The following PARP16 variants were observed in gnomAD, a reference collection of about 807,000 sequenced individuals.
PARP16 encodes the protein poly(ADP-ribose) polymerase family member 16, also known as protein mono-ADP-ribosyltransferase PARP16.
In PARP16, 31 loss-of-function variants were observed where a neutral mutation model predicts 35.0. That is an observed-to-expected ratio of 0.88 (90% CI 0.66 to 1.19). PARP16 has a LOEUF of 1.19. PARP16 is among the 50% of genes most tolerant of loss of function. The pLI is 0.00. For missense variants in PARP16, 424 were observed against 411.2 expected (o/e 1.03, Z -0.27); for synonymous variants, 162 against 169.5 (o/e 0.96, Z 0.34).
intron 1 of PARP16, among the ~76,000 whole-genome samples, chr15:65,275,213 G>C (rs531016530): frequency 1.5e-4 from 23 of 152,198 alleles, no homozygotes; most frequent in Non-Finnish European, 3.1e-4. Flanking sequence ...AAAGGAAAAG[G>C]GGGTGGGGTT....
At position 65,246,745 on chromosome 15, in the gene PARP16, C is replaced by T. The variant is rs566201246; in HGVS notation, c.*97+1372G>A. Among the ~76,000 whole-genome samples the T allele has an allele frequency of 1.7e-4, 26 of 152,274 alleles. 1 individual carries two copies. In the South Asian group the frequency reaches 5.2e-3, roughly 30 times the overall value. ...TCAGAGAATGGGGTGAAGGGAGTGG[C>T]TCACACAGATCTCAGTTGGCAACTT... On this transcript the variant is annotated intron_variant and NMD_transcript_variant, in intron 3 of 3. Transcript: ENST00000559805.
At chr15:65,253,419 C>G (rs2089413348), downstream of PARP16, among the ~76,000 whole-genome samples, 1 of 151,206 alleles carries the variant, frequency 6.6e-6, no homozygotes, top group Admixed American at 6.6e-5. Context: ...CAAGCTCCGC[C>G]TCCCGGGTTC....
chr15:65,261,823 C>T (rs1488499707), intron 4 of PARP16, among the ~76,000 whole-genome samples: 1 of 152,108 alleles, frequency 6.6e-6, no homozygotes, highest in Non-Finnish European at 1.5e-5. Context: ...TTCCACCCTT[C>T]GTACCAAGAC....
At chr15:65,283,243 T>C (rs1233307297) in intron 1 of PARP16, among the ~76,000 whole-genome samples, 1 of 151,842 alleles carries the variant, frequency 6.6e-6, no homozygotes, top group Non-Finnish European at 1.5e-5. Flanking sequence ...TCAAGACCAG[T>C]CTGGACAACG....
chr15:65,280,411 T>C (rs1595719873), intron 1 of PARP16, among the ~76,000 whole-genome samples: 1 of 128,876 alleles, frequency 7.8e-6, no homozygotes, highest in Middle Eastern at 4.5e-3. Context: ...CACTCCAAAC[T>C]GGGCAACAGA....
At chr15:65,233,918 AT>A (rs973430912), downstream of PARP16, among the ~76,000 whole-genome samples, 6 of 151,778 alleles carry the variant, frequency 4.0e-5, no homozygotes, top group African/African-American at 7.3e-5. Context: ...CAGTAAAAAA[AT>A]TTTTTTTCTT....
intron 1 of PARP16, among the ~76,000 whole-genome samples, chr15:65,274,282 C>T (rs983162813): frequency 2.0e-5 from 3 of 150,598 alleles, no homozygotes; most frequent in African/African-American, 4.9e-5. Context: ...TGTGTGAGCC[C>T]GGGCATGGTG....
intron 1 of PARP16, among the ~76,000 whole-genome samples, chr15:65,284,811 C>CTTTTTTTTT (rs35683940): frequency 2.8e-5 from 2 of 72,216 alleles, no homozygotes; most frequent in Non-Finnish European, 5.1e-5. Flanking sequence ...AATCCAACGT[C>CTTTTTTTTT]TTTTTTTTTT....
At position 65,258,566 on chromosome 15, in the gene PARP16, GAA is replaced by G. The variant is rs2140821070; in HGVS notation, c.*839_*840del. ...AATCCCTTTCTCTAAAACACAGCCA[GAA>G]AAGAGGCTGTGGACACTGGCCAAAC... On this transcript the variant is annotated 3_prime_UTR_variant, in exon 6 of 6. Transcript: ENST00000649807. 1.3e-5 allele frequency: 2 copies of G among 152,638 alleles called. No homozygotes were observed. The highest frequency in any genetic ancestry group is 4.1e-4 in the South Asian group (2 of 4,830). 9.5% of individuals were successfully genotyped at this position (152,638 alleles called of 1,614,324 possible). A position where few individuals can be genotyped will look rare whatever the true frequency, so the allele number is the denominator to read the frequency against.
At position 65,272,872 on chromosome 15, in the gene PARP16, T is replaced by C. The variant is rs1180574534; in HGVS notation, c.175-1800A>G. ...TCACAGAATCTCAGGGCTTGGTCTA[T>C]ATATGTCCATTTCTTTTCTTTCCAT... On this transcript the variant is annotated intron_variant, in intron 1 of 5. Coordinates refer to ENST00000649807, the MANE Select transcript of PARP16 (RefSeq NM_001316943.2). Among the ~76,000 whole-genome samples, 7 of 152,332 alleles carry C rather than the reference T, an allele frequency of 4.6e-5. No homozygotes were observed. In the East Asian group the frequency reaches 1.4e-3, roughly 29 times the overall value.
chr15:65,242,219 G>T (rs182338065), intron 3 of PARP16, among the ~76,000 whole-genome samples: 66 of 152,028 alleles, frequency 4.3e-4, no homozygotes, highest in African/African-American at 1.5e-3. Flanking sequence ...TTCTTTTTCA[G>T]TGATCTATAT....
exon 4 of PARP16, chr15:65,234,572 TAAC>T (rs1197702404): frequency 6.6e-6 from 1 of 152,250 alleles, no homozygotes; most frequent in Non-Finnish European, 1.5e-5. Flanking sequence ...TATATAGTAA[TAAC>T]AATCAATTAC....
intron 2 of PARP16, among the ~76,000 whole-genome samples, chr15:65,252,841 C>T (rs1417152492): frequency 1.3e-5 from 2 of 152,124 alleles, no homozygotes; most frequent in African/African-American, 4.8e-5. Context: ...AAATAAAATG[C>T]AAGGCGGCTG....
chr15:65,257,918 T>C (rs1443350143), downstream of PARP16, among the ~76,000 whole-genome samples: 1 of 152,188 alleles, frequency 6.6e-6, no homozygotes, highest in Non-Finnish European at 1.5e-5. Context: ...CAGTAGGTAC[T>C]CACGTTTGTT....
chr15:65,261,054 C>G, intron 4 of PARP16, 28 bp from the exon 5 acceptor site: 1 of 1,604,282 alleles, frequency 6.2e-7, no homozygotes, highest in Non-Finnish European at 8.5e-7. Flanking sequence ...AACACATCTT[C>G]ACTGGGGGAA....
At chr15:65,239,659 CTTT>C (rs71136328) in intron 3 of PARP16, among the ~76,000 whole-genome samples, 24 of 129,348 alleles carry the variant, frequency 1.9e-4, no homozygotes, top group Non-Finnish European at 2.5e-4. Flanking sequence ...GTAATTTTTT[CTTT>C]TTTTTTTTTT....
At chr15:65,235,567 G>T (rs2088854112) in intron 3 of PARP16, among the ~76,000 whole-genome samples, 1 of 149,866 alleles carries the variant, frequency 6.7e-6, no homozygotes, top group Non-Finnish European at 1.5e-5. Context: ...ACTTTGGGAG[G>T]ATGAGGTGGG....
chr15:65,253,336 C>CT (rs113104111), downstream of PARP16, among the ~76,000 whole-genome samples: 1,667 of 146,098 alleles, frequency 0.011, 28 homozygotes, highest in African/African-American at 0.036. Context: ...ATTTCATTCT[C>CT]TTTTTTTTTT....
At chr15:65,266,019 C>G (rs980388276) in intron 3 of PARP16, among the ~76,000 whole-genome samples, 1 of 152,186 alleles carries the variant, frequency 6.6e-6, no homozygotes, top group Non-Finnish European at 1.5e-5. Context: ...ACCTCTGCCT[C>G]CCAGGTTCAA....
Sources: gnomAD v4.1 joint callset for allele counts (sites outside exome capture counted in the v4.1 genomes callset) on GRCh38, gnomAD v4.1.1 for gene constraint, MANE v1.5 for transcripts, NCBI Gene and HGNC (gene_info 2026-07-23, HGNC 2026-07-21) for gene names.